C8orf34: variants seen among roughly 807,000 people sequenced by gnomAD.
C8orf34 encodes the protein uncharacterized protein C8orf34.
A neutral mutation model predicts 68.3 loss-of-function variants in C8orf34; 65 were observed. The ratio of observed to expected loss-of-function variants is 0.95; its 90% CI spans 0.78 to 1.17. The LOEUF (loss-of-function observed/expected upper bound fraction) is 1.17. C8orf34 is among the 50% of genes most tolerant of loss of function. The pLI, the probability that C8orf34 is intolerant of heterozygous loss-of-function variation, is 0.00. For missense variants in C8orf34, 664 were observed against 655.4 expected (o/e 1.01, Z -0.14); for synonymous variants, 244 against 241.2 (o/e 1.01, Z -0.11).
At chr8:68,419,966 C>A in intron 1 of C8orf34, among the ~76,000 whole-genome samples, 1 of 133,896 alleles carries the variant, frequency 7.5e-6, no homozygotes, top group East Asian at 2.2e-4. Context: ...TACCCTAAAA[C>A]TTAAAGTATA....
At chr8:68,705,722 A>C (rs928316945) in intron 8 of C8orf34, among the ~76,000 whole-genome samples, 2 of 152,110 alleles carry the variant, frequency 1.3e-5, no homozygotes, top group African/African-American at 4.8e-5. Context: ...GGAGGTATTT[A>C]ATTTTTGTGG....
intron 8 of C8orf34, among the ~76,000 whole-genome samples, chr8:68,680,966 G>C (rs922429614): frequency 2.6e-5 from 4 of 151,850 alleles, no homozygotes; most frequent in Non-Finnish European, 5.9e-5. Context: ...CCTTTCCCAG[G>C]GTATTAATAT....
chr8:68,472,788 T>C (rs1337704415), intron 4 of C8orf34, among the ~76,000 whole-genome samples: 2 of 152,184 alleles, frequency 1.3e-5, no homozygotes, highest in Non-Finnish European at 2.9e-5. Context: ...TTTCATTGTA[T>C]TCCATATAAA....
At chr8:68,796,983 C>T (rs376527125) in intron 12 of C8orf34, among the ~76,000 whole-genome samples, 13 of 152,044 alleles carry the variant, frequency 8.6e-5, no homozygotes, top group African/African-American at 2.2e-4. Flanking sequence ...CATGCCACCA[C>T]GCCTGGCTAA....
Position 68,439,496 on chromosome 8 carries a change from C to T in C8orf34, c.328-3C>T. 3 of 1,612,296 alleles carry T rather than the reference C, an allele frequency of 1.9e-6. No homozygotes were observed. The highest frequency in any genetic ancestry group is 2.5e-6 in the Non-Finnish European group (3 of 1,179,270). ...ATAATTGTGTGCTCTATTCTGCCTT[C>T]AGGAATTAATGACCAAGTTAATAAC... On this transcript the variant is annotated splice_region_variant and splice_polypyrimidine_tract_variant and intron_variant, in intron 1 of 13. Coordinates refer to ENST00000518698, the MANE Select transcript of C8orf34 (RefSeq NM_052958.4).
chr8:68,367,415 C>A (rs1243214161), intron 1 of C8orf34, among the ~76,000 whole-genome samples: 42 of 39,252 alleles, frequency 1.1e-3, no homozygotes, highest in African/African-American at 1.8e-3. Flanking sequence ...ACCCAAAGGA[C>A]TATAAATCAT....
intron 7 of C8orf34, among the ~76,000 whole-genome samples, chr8:68,624,262 G>A (rs10111308): frequency 0.65 from 95,723 of 146,982 alleles, 31,517 homozygotes; most frequent in African/African-American, 0.72. Flanking sequence ...ACAGAGGGAG[G>A]CTCTGTCTCA....
chr8:68,759,108 T>C (rs1442515096), intron 10 of C8orf34, among the ~76,000 whole-genome samples: 1 of 152,088 alleles, frequency 6.6e-6, no homozygotes, highest in Non-Finnish European at 1.5e-5. Context: ...ACATATGAAA[T>C]ATATACACAC....
At chr8:68,702,353 A>G (rs1821043127) in intron 8 of C8orf34, among the ~76,000 whole-genome samples, 1 of 152,168 alleles carries the variant, frequency 6.6e-6, no homozygotes, top group Non-Finnish European at 1.5e-5. Flanking sequence ...CCTATGAGGC[A>G]TATGAATGAA....
In C8orf34 at chr8:68,468,825, GT is replaced by G. The variant is rs766775499; in HGVS notation, c.736+7del. On this transcript the variant is annotated splice_donor_region_variant and intron_variant, in intron 4 of 13. Coordinates refer to ENST00000518698, the MANE Select transcript of C8orf34 (RefSeq NM_052958.4). ...CCCTTGAGAATCTCTCTCGAAGTAA[GT>G]TCATTTACTTGATTATAATTGAAAC... 9.3e-6 allele frequency: 15 copies of G among 1,606,800 alleles called. No individual in the cohort carries two copies. The African/African-American group carries it at 1.7e-4, about 19-fold the overall frequency.
At position 68,601,723 on chromosome 8, in the gene C8orf34, C is replaced by T. The variant is rs1037112642; in HGVS notation, c.1106-38653C>T. 2.8e-5 allele frequency among the ~76,000 whole-genome samples: 4 copies of T among 143,102 alleles called. No individual in the cohort carries two copies. The South Asian group carries it at 8.9e-4, about 32-fold the overall frequency. 93.9% of individuals were successfully genotyped at this position (143,102 alleles called of 152,430 possible). A position where few individuals can be genotyped will look rare whatever the true frequency, so the allele number is the denominator to read the frequency against. ...TAACTGCAATATCCATCCAATTCATCTTGGTATTGGCATCTCTTGGGTGTC... is the reference window on the plus strand; with the variant it reads ...TAACTGCAATATCCATCCAATTCATTTTGGTATTGGCATCTCTTGGGTGTC... On this transcript the variant is annotated intron_variant, in intron 7 of 13. Transcript: ENST00000518698.
At chr8:68,814,412 C>T (rs1421432180) in intron 12 of C8orf34, among the ~76,000 whole-genome samples, 1 of 152,204 alleles carries the variant, frequency 6.6e-6, no homozygotes, top group African/African-American at 2.4e-5. Flanking sequence ...TGGCAAAGAA[C>T]ACTAGAACAA....
At chr8:68,536,852 G>A (rs998587824) in intron 7 of C8orf34, among the ~76,000 whole-genome samples, 1 of 152,006 alleles carries the variant, frequency 6.6e-6, no homozygotes, top group Non-Finnish European at 1.5e-5. Context: ...ATTGCGACAA[G>A]GTGATTGCAA....
chr8:68,331,237 C>T lies in C8orf34; in HGVS notation c.225C>T (p.Leu75=), dbSNP rs557347186. The change falls in exon 1 of 14, where the codon CTC becomes CTT. Residue 75 remains leucine, a synonymous_variant. Coordinates refer to ENST00000518698, the MANE Select transcript of C8orf34 (RefSeq NM_052958.4). ...VPSGGAQPRV[L]PALSSRSHLF... ...GCGGAGGCGCACAGCCGCGCGTTCT[C>T]CCTGCACTCTCTTCGCGGTCCCATC... 9.8e-6 allele frequency: 15 copies of T among 1,536,248 alleles called. No individual in the cohort carries two copies. In the South Asian group the frequency reaches 1.3e-4, roughly 13 times the overall value.
intron 3 of C8orf34, chr8:68,446,883 A>G (rs536352628): frequency 6.0e-6 from 1 of 167,446 alleles, no homozygotes; most frequent in South Asian, 2.0e-4. Flanking sequence ...AAAATATTTC[A>G]TCTGGGATTT....
intron 8 of C8orf34, among the ~76,000 whole-genome samples, chr8:68,690,754 C>G (rs1322985976): frequency 6.6e-6 from 1 of 152,004 alleles, no homozygotes; most frequent in Admixed American, 6.6e-5. Flanking sequence ...AATGGTAACC[C>G]TCATTAGGAA....
At chr8:68,582,842 C>T (rs1182830597) in intron 7 of C8orf34, among the ~76,000 whole-genome samples, 2 of 152,070 alleles carry the variant, frequency 1.3e-5, no homozygotes, top group Non-Finnish European at 2.9e-5. Context: ...ACTTACATAG[C>T]ATCTTCAACT....
intron 8 of C8orf34, among the ~76,000 whole-genome samples, chr8:68,642,436 T>C (rs140540791): frequency 3.9e-5 from 6 of 152,304 alleles, no homozygotes; most frequent in Admixed American, 3.9e-4. Context: ...TCGAGAACTA[T>C]AGAGAATCTG....
chr8:68,595,190 C>A (rs2130460178), intron 7 of C8orf34, among the ~76,000 whole-genome samples: 1 of 151,570 alleles, frequency 6.6e-6, no homozygotes, highest in Non-Finnish European at 1.5e-5. Flanking sequence ...ACACTTACCC[C>A]CCAAATACTT....
Sources: allele counts gnomAD v4.1 joint callset (sites outside exome capture counted in the v4.1 genomes callset), GRCh38; gene constraint gnomAD v4.1.1; transcripts MANE v1.5; gene names NCBI Gene and HGNC (gene_info 2026-07-23, HGNC 2026-07-21).